Variants in VPS13B observed in about 807,000 individuals in gnomAD.
VPS13B encodes the protein vacuolar protein sorting 13 homolog B.
In VPS13B, 285 loss-of-function variants were observed where a neutral mutation model predicts 426.4. The observed-to-expected ratio is 0.67, with a 90% CI of 0.61 to 0.74. The LOEUF (loss-of-function observed/expected upper bound fraction) is 0.74. Ranked by LOEUF, VPS13B falls within the 30% of genes least tolerant of loss-of-function variation. The pLI, the probability that VPS13B is intolerant of heterozygous loss-of-function variation, is 0.00. For synonymous variants in VPS13B, 1,676 were observed against 1,676.4 expected, an observed-to-expected ratio of 1.00 and a Z score of 0.01; for missense variants, 4,537 against 4,782.6, an observed-to-expected ratio of 0.95 and a Z score of 1.51.
In VPS13B at chr8:99,502,838, G is replaced by A; in HGVS notation, c.4045G>A (p.Val1349Ile). The A allele has an allele frequency of 6.2e-7, 1 of 1,607,258 alleles. No individual in the cohort carries two copies. Among genetic ancestry groups the A allele is most frequent in the South Asian group, 1.1e-5 (1 of 90,936 alleles). ...TTACTGCTTGTTTCTTATTGCAGAG[G>A]TTTGTATGGTCAGTGAACTAGAAGA... ...APDPENKGTE[V>I]CMVSELEDLS... Residue 1349 changes from valine to isoleucine, a missense_variant and splice_region_variant, in exon 27 of 62, where the codon GTT becomes ATT. Physicochemically the swap from Val to Ile is conservative, Grantham distance 29. Transcript: ENST00000357162.
intron 33 of VPS13B, among the ~76,000 whole-genome samples, chr8:99,620,315 T>C (rs1828293791): frequency 6.6e-6 from 1 of 152,218 alleles, no homozygotes; most frequent in African/African-American, 2.4e-5. Flanking sequence ...GTTTTCCTCT[T>C]ATGTCCCAAG....
At chr8:99,871,247 C>CTT in intron 60 of VPS13B, 1 of 808,984 alleles carries the variant, frequency 1.2e-6, no homozygotes. Context: ...CAAGGGAAAT[C>CTT]TTTGTTCCCA....
intron 19 of VPS13B, among the ~76,000 whole-genome samples, chr8:99,336,423 C>G (rs933631105): frequency 6.6e-6 from 1 of 152,066 alleles, no homozygotes; most frequent in Non-Finnish European, 1.5e-5. Flanking sequence ...AGAAGAAAAC[C>G]TAGGCATTAC....
chr8:99,201,319 G>A (rs1224480372), intron 17 of VPS13B, among the ~76,000 whole-genome samples: 1 of 151,904 alleles, frequency 6.6e-6, no homozygotes, highest in South Asian at 2.1e-4. Flanking sequence ...ATTTATTAGC[G>A]AGTTTTGAAA....
At chr8:99,290,642 C>T (rs1819678360) in intron 19 of VPS13B, among the ~76,000 whole-genome samples, 1 of 148,292 alleles carries the variant, frequency 6.7e-6, no homozygotes, top group African/African-American at 2.5e-5. Context: ...TACCCTAGAA[C>T]TTAAAGTATA....
intron 3 of VPS13B, among the ~76,000 whole-genome samples, chr8:99,088,402 C>T (rs1011110764): frequency 6.6e-6 from 1 of 152,038 alleles, no homozygotes; most frequent in Non-Finnish European, 1.5e-5. Context: ...AGATTATATT[C>T]TTCTTTCTTA....
intron 19 of VPS13B, among the ~76,000 whole-genome samples, chr8:99,311,924 A>G (rs1362102969): frequency 6.6e-6 from 1 of 152,124 alleles, no homozygotes; most frequent in African/African-American, 2.4e-5. Context: ...CCATTATGTA[A>G]TGGCCTTCTT....
At chr8:99,424,636 C>T (rs1218800405) in intron 21 of VPS13B, 1 of 152,090 alleles carries the variant, frequency 6.6e-6, no homozygotes, top group Non-Finnish European at 1.5e-5. Context: ...ACCCTAACAT[C>T]ACAATTAAAA....
At chr8:99,716,321 T>A (rs1832919151) in intron 36 of VPS13B, among the ~76,000 whole-genome samples, 1 of 152,136 alleles carries the variant, frequency 6.6e-6, no homozygotes, top group Non-Finnish European at 1.5e-5. Context: ...ATCTTTCATC[T>A]TTTTTAGGGA....
chr8:99,275,289 CTTTTTTT>C (rs11332378), intron 19 of VPS13B, 35 bp downstream of exon 19: 22 of 1,195,662 alleles, frequency 1.8e-5, no homozygotes, highest in African/African-American at 1.4e-4. Context: ...CCTTGTTTTG[CTTTTTTT>C]TTTTTTTTTT....
At chr8:99,235,874 T>A (rs1816614492) in intron 17 of VPS13B, among the ~76,000 whole-genome samples, 1 of 152,192 alleles carries the variant, frequency 6.6e-6, no homozygotes, top group South Asian at 2.1e-4. Flanking sequence ...TTTTTTCCCT[T>A]CTACAGTAGA....
chr8:99,789,889 T>C (rs971251291), intron 43 of VPS13B, among the ~76,000 whole-genome samples: 1 of 152,118 alleles, frequency 6.6e-6, no homozygotes, highest in Admixed American at 6.6e-5. Context: ...ATGTTATCAG[T>C]GGTTGCCTCT....
chr8:99,719,868 G>A (rs528761573), intron 37 of VPS13B, among the ~76,000 whole-genome samples: 1 of 152,202 alleles, frequency 6.6e-6, no homozygotes, highest in Non-Finnish European at 1.5e-5. Flanking sequence ...CTAAGTTCAG[G>A]TTCATTGAGA....
intron 54 of VPS13B, among the ~76,000 whole-genome samples, chr8:99,844,064 G>T (rs908315978): frequency 6.6e-6 from 1 of 152,190 alleles, no homozygotes; most frequent in Non-Finnish European, 1.5e-5. Context: ...TTAACAGTGA[G>T]TGTGTTGCCT....
chr8:99,768,303 C>T (rs978042987), intron 40 of VPS13B, among the ~76,000 whole-genome samples: 2 of 152,176 alleles, frequency 1.3e-5, no homozygotes, highest in African/African-American at 4.8e-5. Flanking sequence ...GAAAAAAAAC[C>T]ATCCACCATT....
intron 39 of VPS13B, among the ~76,000 whole-genome samples, chr8:99,757,558 G>A (rs1810702587): frequency 6.6e-6 from 1 of 152,134 alleles, no homozygotes; most frequent in East Asian, 1.9e-4. Context: ...GGACAGATGG[G>A]CAGTCATAAC....
At chr8:99,819,759 A>G (rs1014886886) in intron 48 of VPS13B, among the ~76,000 whole-genome samples, 162 bp from the exon 49 acceptor site, 25 of 152,144 alleles carry the variant, frequency 1.6e-4, no homozygotes, top group African/African-American at 6.0e-4. Context: ...TCATAATTGC[A>G]TGAAAAGTTG....
At chr8:99,307,566 A>G (rs1057033246) in intron 19 of VPS13B, among the ~76,000 whole-genome samples, 1 of 152,036 alleles carries the variant, frequency 6.6e-6, no homozygotes, top group African/African-American at 2.4e-5. Flanking sequence ...AATTTCATTT[A>G]GTTATTTTTG....
intron 12 of VPS13B, among the ~76,000 whole-genome samples, chr8:99,139,534 T>C (rs1810278792): frequency 2.0e-5 from 3 of 150,110 alleles, no homozygotes; most frequent in African/African-American, 7.4e-5. Flanking sequence ...GCCTCCCGGG[T>C]TCATGCCATT....
Sources: gnomAD v4.1 joint callset for allele counts (sites outside exome capture counted in the v4.1 genomes callset) on GRCh38, gnomAD v4.1.1 for gene constraint, MANE v1.5 for transcripts, NCBI Gene and HGNC (gene_info 2026-07-23, HGNC 2026-07-21) for gene names.